CATSPERB: variants seen among roughly 807,000 people sequenced by gnomAD.
CATSPERB encodes cation channel sperm-associated auxiliary subunit beta.
A neutral mutation model predicts 128.3 loss-of-function variants in CATSPERB; 93 were observed. The ratio of observed to expected loss-of-function variants is 0.72; its 90% CI spans 0.61 to 0.86. The LOEUF (loss-of-function observed/expected upper bound fraction) is 0.86. Among genes scored for constraint, CATSPERB ranks in the 40% least tolerant of loss-of-function variants. The pLI is 0.00. For synonymous variants in CATSPERB, 381 were observed against 448.8 expected (o/e 0.85, Z 1.91); for missense variants, 1,153 against 1,329.5 (o/e 0.87, Z 2.06).
chr14:91,626,907 T>C (rs1894174600), intron 17 of CATSPERB, among the ~76,000 whole-genome samples: 1 of 152,188 alleles, frequency 6.6e-6, no homozygotes, highest in African/African-American at 2.4e-5. Flanking sequence ...GATAAATTTC[T>C]CTCCAGTTTT....
intron 2 of CATSPERB, among the ~76,000 whole-genome samples, chr14:91,727,714 A>C (rs779485345): frequency 1.3e-5 from 2 of 152,184 alleles, no homozygotes; most frequent in Non-Finnish European, 2.9e-5. Context: ...TCATGAATTA[A>C]ACTTCTTAAA....
At chr14:91,660,253 G>A (rs994143117) in intron 14 of CATSPERB, among the ~76,000 whole-genome samples, 2 of 152,162 alleles carry the variant, frequency 1.3e-5, no homozygotes, top group African/African-American at 4.8e-5. Context: ...CATAGTGATT[G>A]TATAAAATAA....
chr14:91,671,616 C>CAA (rs59188433), intron 13 of CATSPERB, among the ~76,000 whole-genome samples: 247 of 150,206 alleles, frequency 1.6e-3, no homozygotes, highest in African/African-American at 5.4e-3. Context: ...AACCAACCAA[C>CAA]AAAAAAAAAT....
intron 22 of CATSPERB, among the ~76,000 whole-genome samples, chr14:91,605,932 T>C (rs1057491656): frequency 2.0e-5 from 3 of 152,216 alleles, no homozygotes; most frequent in Non-Finnish European, 4.4e-5. Flanking sequence ...TCCCAGCACT[T>C]TGAGAGGCCG....
chr14:91,691,197 T>C (rs1895465251), intron 10 of CATSPERB, among the ~76,000 whole-genome samples: 1 of 152,134 alleles, frequency 6.6e-6, no homozygotes, highest in Non-Finnish European at 1.5e-5. Flanking sequence ...CAGTCAAGTG[T>C]ACTTGTGCAG....
chr14:91,697,872 G>A (rs2139849458), intron 7 of CATSPERB, among the ~76,000 whole-genome samples: 1 of 152,166 alleles, frequency 6.6e-6, no homozygotes, highest in African/African-American at 2.4e-5. Context: ...GCTCTTTTTT[G>A]TTCCATATGA....
chr14:91,670,406 T>C (rs1364820080), intron 13 of CATSPERB, among the ~76,000 whole-genome samples: 1 of 151,478 alleles, frequency 6.6e-6, no homozygotes, highest in Non-Finnish European at 1.5e-5. Context: ...ATTATCTTTA[T>C]ATAAAAGTGG....
intron 7 of CATSPERB, among the ~76,000 whole-genome samples, chr14:91,698,184 A>AT (rs1426595465): frequency 6.6e-6 from 1 of 151,904 alleles, no homozygotes; most frequent in Non-Finnish European, 1.5e-5. Flanking sequence ...AGCTTGAATG[A>AT]TTTTGGTGTA....
chr14:91,683,023 C>A (rs1895309826), intron 11 of CATSPERB, among the ~76,000 whole-genome samples: 1 of 152,082 alleles, frequency 6.6e-6, no homozygotes, highest in Non-Finnish European at 1.5e-5. Context: ...GCTATAGATA[C>A]CTTCTCCCAA....
intron 11 of CATSPERB, among the ~76,000 whole-genome samples, chr14:91,674,545 C>T (rs1423055686): frequency 2.0e-5 from 3 of 152,046 alleles, no homozygotes; most frequent in African/African-American, 7.2e-5. Context: ...TTTATTTAAT[C>T]TAGTTGTAAC....
chr14:91,584,611 G>A (rs1893265464), intron 26 of CATSPERB, among the ~76,000 whole-genome samples: 1 of 152,066 alleles, frequency 6.6e-6, no homozygotes, highest in African/African-American at 2.4e-5. Context: ...GATTCTCTTA[G>A]TTTTCTCTCA....
intron 18 of CATSPERB, among the ~76,000 whole-genome samples, chr14:91,622,900 T>G (rs1224347835): frequency 6.6e-6 from 1 of 150,700 alleles, no homozygotes; most frequent in African/African-American, 2.4e-5. Context: ...TGACTTTTTT[T>G]TTTTTTTTTT....
intron 22 of CATSPERB, chr14:91,604,891 G>C (rs1442769869): frequency 3.5e-5 from 46 of 1,297,002 alleles, no homozygotes; most frequent in Middle Eastern, 3.6e-4. Context: ...TCTGGTTCTG[G>C]AACCACGTCT....
chr14:91,622,606 TCTCTTA>T (rs1248396856), intron 18 of CATSPERB, among the ~76,000 whole-genome samples: 2 of 152,184 alleles, frequency 1.3e-5, no homozygotes, highest in East Asian at 3.9e-4. Flanking sequence ...TCATCAATAC[TCTCTTA>T]CTCTAAAATA....
intron 26 of CATSPERB, among the ~76,000 whole-genome samples, chr14:91,584,188 C>T (rs1893256584): frequency 6.6e-6 from 1 of 152,124 alleles, no homozygotes; most frequent in South Asian, 2.1e-4. Flanking sequence ...CTTGCCTCAG[C>T]CTCCTGAGTA....
At chr14:91,700,828 A>T (rs1895635962) in intron 7 of CATSPERB, among the ~76,000 whole-genome samples, 1 of 151,996 alleles carries the variant, frequency 6.6e-6, no homozygotes, top group Non-Finnish European at 1.5e-5. Context: ...TGGGGGAGGG[A>T]AGGGAGCAAT....
chr14:91,591,920 G>T lies in CATSPERB; in HGVS notation c.2792C>A (p.Ala931Asp). ...NCTKDQKFSH[A>D]VAFSDCREKV... ...TTCCCTGCAATCCGAGAAAGCAACAGCATGTGAAAACTTCTGATCCTTTGT... is the reference window on the plus strand; with the variant it reads ...TTCCCTGCAATCCGAGAAAGCAACATCATGTGAAAACTTCTGATCCTTTGT... Residue 931 changes from alanine to aspartate, a missense_variant, in exon 23 of 27, where the codon GCT becomes GAT. Transcript: ENST00000256343. The T allele has an allele frequency of 6.2e-7, 1 of 1,613,438 alleles. No homozygotes were observed. The highest frequency in any genetic ancestry group is 1.1e-5 in the South Asian group (1 of 91,066).
chr14:91,718,145 A>G (rs1338519614), intron 5 of CATSPERB, among the ~76,000 whole-genome samples: 1 of 152,234 alleles, frequency 6.6e-6, no homozygotes, highest in Non-Finnish European at 1.5e-5. Flanking sequence ...AGCTTCTGGA[A>G]TAACACTCCA....
Position 91,669,867 on chromosome 14 carries a change from C to T in CATSPERB, c.1234G>A (p.Val412Ile), listed in dbSNP as rs150697114. 5.2e-5 allele frequency: 84 copies of T among 1,613,384 alleles called. No individual in the cohort carries two copies. Among genetic ancestry groups the T allele is most frequent in the African/African-American group, 6.7e-5 (5 of 74,832 alleles). ...FRFPSSFSSP[V>I]GMVFHPRSHF... ...CTTCGGGGATGAAATACCATTCCAA[C>T]GGGAGAAGAGAATGATGAAGGAAAC... The change falls in exon 14 of 27, where the codon GTT becomes ATT. Residue 412 changes from valine (V) to isoleucine (I), a missense_variant. Val to Ile is a conservative substitution (Grantham distance 29). Transcript: ENST00000256343.
Sources: gnomAD v4.1 joint callset for allele counts (sites outside exome capture counted in the v4.1 genomes callset) on GRCh38, gnomAD v4.1.1 for gene constraint, MANE v1.5 for transcripts, NCBI Gene and HGNC (gene_info 2026-07-23, HGNC 2026-07-21) for gene names.